The following DGKB variants were observed in gnomAD, a reference collection of about 807,000 sequenced individuals.
DGKB encodes the protein 90 kDa diacylglycerol kinase.
DGKB carries 67 observed loss-of-function variants against 114.3 expected under a neutral mutation model. The ratio of observed to expected loss-of-function variants is 0.59; its 90% CI spans 0.48 to 0.72. The LOEUF (loss-of-function observed/expected upper bound fraction) is 0.72, where lower values mean the gene tolerates loss of function less well. DGKB is among the 30% of genes least tolerant of loss of function. DGKB has a pLI of 0.00. For missense variants in DGKB, 907 were observed against 975.2 expected (o/e 0.93, Z 0.93); for synonymous variants, 398 against 323.1 (o/e 1.23, Z -2.49).
chr7:14,435,606 T>G (rs895043861), intron 21 of DGKB, among the ~76,000 whole-genome samples: 1 of 152,110 alleles, frequency 6.6e-6, no homozygotes, highest in African/African-American at 2.4e-5. Flanking sequence ...TAATAAATAT[T>G]GTCCTGAAAA....
At chr7:14,801,756 G>A (rs1401694013) in intron 2 of DGKB, among the ~76,000 whole-genome samples, 2 of 151,666 alleles carry the variant, frequency 1.3e-5, no homozygotes, top group African/African-American at 4.8e-5. Context: ...CACATTGAGG[G>A]ACTTTACAAC....
At chr7:14,612,754 T>C (rs1180071329) in intron 16 of DGKB, among the ~76,000 whole-genome samples, 1 of 152,146 alleles carries the variant, frequency 6.6e-6, no homozygotes, top group Admixed American at 6.6e-5. Context: ...AGATTTACTC[T>C]TCAATGTAGT....
intron 6 of DGKB, among the ~76,000 whole-genome samples, chr7:14,711,465 T>C (rs945726376): frequency 2.6e-5 from 4 of 152,134 alleles, no homozygotes; most frequent in African/African-American, 9.6e-5. Flanking sequence ...ACATGAAGTA[T>C]TGAACACACA....
At chr7:14,875,511 T>A (rs149046922) in intron 1 of DGKB, among the ~76,000 whole-genome samples, 1 of 152,216 alleles carries the variant, frequency 6.6e-6, no homozygotes, top group African/African-American at 2.4e-5. Context: ...CATAATATAA[T>A]GTCTTTTGCT....
intron 23 of DGKB, among the ~76,000 whole-genome samples, chr7:14,306,463 CAAT>C (rs1804491748): frequency 6.6e-6 from 1 of 151,992 alleles, no homozygotes; most frequent in African/African-American, 2.4e-5. Context: ...ATATTAATAA[CAAT>C]AAAATCAATG....
chr7:14,667,222 AT>A (rs141071078), intron 13 of DGKB, among the ~76,000 whole-genome samples: 53 of 151,798 alleles, frequency 3.5e-4, no homozygotes, highest in Admixed American at 3.4e-3. Flanking sequence ...GGTGGTACAA[AT>A]TTTTTTTAAT....
chr7:14,889,443 G>C (rs957391895), intron 1 of DGKB, among the ~76,000 whole-genome samples: 1 of 151,498 alleles, frequency 6.6e-6, no homozygotes, highest in African/African-American at 2.4e-5. Context: ...ATTTCTTAGT[G>C]CTTTCTTAGA....
chr7:14,467,816 G>A (rs1055403112), intron 21 of DGKB, among the ~76,000 whole-genome samples: 44 of 152,002 alleles, frequency 2.9e-4, no homozygotes, highest in Admixed American at 3.3e-4. Context: ...GAGAAGCAAC[G>A]CAGAGGATAT....
chr7:14,705,718 C>A (rs1433754973), intron 6 of DGKB, among the ~76,000 whole-genome samples: 1 of 150,450 alleles, frequency 6.6e-6, no homozygotes, highest in Non-Finnish European at 1.5e-5. Context: ...CCAAACTAAG[C>A]TTCATAAGTG....
At chr7:14,685,538 T>A (rs972605379) in intron 9 of DGKB, among the ~76,000 whole-genome samples, 176 bp from the exon 10 acceptor site, 1 of 152,164 alleles carries the variant, frequency 6.6e-6, no homozygotes, top group East Asian at 1.9e-4. Flanking sequence ...TCCAGTGAAA[T>A]GAGATAGTGC....
At chr7:14,517,388 T>C (rs770733938) in intron 20 of DGKB, among the ~76,000 whole-genome samples, 4 of 151,540 alleles carry the variant, frequency 2.6e-5, no homozygotes, top group Non-Finnish European at 5.9e-5. Flanking sequence ...ATTCTGGACA[T>C]AAGATTTGGC....
intron 1 of DGKB, among the ~76,000 whole-genome samples, chr7:14,958,790 G>A (rs1307281809): frequency 6.6e-6 from 1 of 152,052 alleles, no homozygotes; most frequent in Non-Finnish European, 1.5e-5. Context: ...TGGATGTTGT[G>A]AGGATGTTGT....
At chr7:14,809,825 T>C (rs1843199428) in intron 2 of DGKB, among the ~76,000 whole-genome samples, 1 of 152,212 alleles carries the variant, frequency 6.6e-6, no homozygotes, top group Non-Finnish European at 1.5e-5. Flanking sequence ...CTTGTTGCTC[T>C]AAACTACATG....
chr7:14,846,553 T>C (rs1848649569), intron 1 of DGKB, among the ~76,000 whole-genome samples: 1 of 152,186 alleles, frequency 6.6e-6, no homozygotes, highest in African/African-American at 2.4e-5. Context: ...TCTTCATAAA[T>C]GGGTAGAAAG....
intron 12 of DGKB, among the ~76,000 whole-genome samples, chr7:14,677,476 AT>A (rs1820069668): frequency 6.6e-6 from 1 of 151,998 alleles, no homozygotes; most frequent in East Asian, 1.9e-4. Context: ...ACCTTTAAAC[AT>A]TACTGTTAGG....
At position 14,686,008 on chromosome 7, in the gene DGKB, T is replaced by C. The variant is rs73680182; in HGVS notation, c.712-646A>G. The stretch of plus-strand genomic sequence containing the variant: ...AGGCAAACTTTTTAAAGGATTTCAT[T>C]ATGTTACCATTTTGTTTACCCCCTT... On this transcript the variant is annotated intron_variant, in intron 9 of 25. Transcript: ENST00000402815. Among the ~76,000 whole-genome samples the C allele has an allele frequency of 7.9e-3, 1,200 of 152,312 alleles. 12 individuals carry two copies. The highest frequency in any genetic ancestry group is 0.028 in the African/African-American group (1,151 of 41,558).
chr7:14,745,034 G>C (rs1313752562), intron 4 of DGKB, among the ~76,000 whole-genome samples: 2 of 152,096 alleles, frequency 1.3e-5, no homozygotes, highest in Non-Finnish European at 2.9e-5. Flanking sequence ...AGGTTCCTCT[G>C]GGAAAATAAG....
intron 13 of DGKB, among the ~76,000 whole-genome samples, chr7:14,660,642 A>T (rs1273554952): frequency 6.6e-6 from 1 of 151,714 alleles, no homozygotes; most frequent in Non-Finnish European, 1.5e-5. Context: ...GCGGTTTATC[A>T]ATTTTGATGC....
chr7:14,559,794 G>A (rs1333469825), intron 20 of DGKB, among the ~76,000 whole-genome samples: 2 of 152,140 alleles, frequency 1.3e-5, no homozygotes, highest in South Asian at 4.1e-4. Flanking sequence ...TGAAACTCCA[G>A]GATGTCACTT....
Sources: allele counts gnomAD v4.1 joint callset (sites outside exome capture counted in the v4.1 genomes callset), GRCh38; gene constraint gnomAD v4.1.1; transcripts MANE v1.5; gene names NCBI Gene and HGNC (gene_info 2026-07-23, HGNC 2026-07-21).